Variants in NALF1 observed in about 807,000 individuals in gnomAD.
NALF1 encodes the protein NALCN channel auxiliary factor 1.
Under a neutral mutation model 48.4 loss-of-function variants are expected in NALF1, and 3 were observed. The ratio of observed to expected loss-of-function variants is 0.06; its 90% CI spans 0.03 to 0.16. The LOEUF is 0.16. NALF1 is among the 10% of genes least tolerant of loss of function. The probability of loss-of-function intolerance (pLI) is 1.00; values close to 1 mark genes in which losing one functional copy is unlikely to be tolerated. For synonymous variants in NALF1, 262 were observed against 245.7 expected (o/e 1.07, Z -0.62); for missense variants, 526 against 571.5 (o/e 0.92, Z 0.81).
At chr13:107,832,631 C>T (rs1164639802) in intron 1 of NALF1, among the ~76,000 whole-genome samples, 1 of 152,140 alleles carries the variant, frequency 6.6e-6, no homozygotes, top group African/African-American at 2.4e-5. Flanking sequence ...GGTCAGGGTC[C>T]TTCGCAACTC....
chr13:107,327,201 C>A (rs1373195840), intron 1 of NALF1, among the ~76,000 whole-genome samples: 3 of 152,068 alleles, frequency 2.0e-5, no homozygotes, highest in Non-Finnish European at 4.4e-5. Flanking sequence ...CTTTTACCTG[C>A]CTCTAAATAC....
At chr13:107,518,403 T>C (rs1876130366) in intron 1 of NALF1, among the ~76,000 whole-genome samples, 1 of 152,098 alleles carries the variant, frequency 6.6e-6, no homozygotes, top group Non-Finnish European at 1.5e-5. Context: ...TGAGAGGAGT[T>C]TTTTTGAAAT....
At chr13:107,495,200 T>A (rs75165744) in intron 1 of NALF1, among the ~76,000 whole-genome samples, 6 of 152,316 alleles carry the variant, frequency 3.9e-5, no homozygotes, top group African/African-American at 1.4e-4. Flanking sequence ...GCCTATATAG[T>A]GTAGAGCTGA....
At chr13:107,380,653 A>C (rs558432486) in intron 1 of NALF1, among the ~76,000 whole-genome samples, 1 of 152,150 alleles carries the variant, frequency 6.6e-6, no homozygotes, top group Non-Finnish European at 1.5e-5. Context: ...AAGATAAAAG[A>C]TTTTGTTAAA....
chr13:107,602,676 C>G (rs1028248396), intron 1 of NALF1, among the ~76,000 whole-genome samples: 24 of 152,132 alleles, frequency 1.6e-4, no homozygotes, highest in African/African-American at 5.3e-4. Flanking sequence ...AAATTTAACA[C>G]TTAGTTTGAT....
intron 1 of NALF1, among the ~76,000 whole-genome samples, chr13:107,520,501 A>G (rs967537451): frequency 6.6e-6 from 1 of 152,224 alleles, no homozygotes; most frequent in Non-Finnish European, 1.5e-5. Context: ...CATAAATTGG[A>G]AAGCAGGGAA....
intron 1 of NALF1, among the ~76,000 whole-genome samples, chr13:107,819,726 G>GTC (rs141973692): frequency 0.18 from 22,200 of 121,430 alleles, 1,745 homozygotes; most frequent in Middle Eastern, 0.26. Flanking sequence ...TCTGGAAACT[G>GTC]TCTCTCTCTC....
intron 2 of NALF1, among the ~76,000 whole-genome samples, chr13:107,184,211 T>C (rs1879127120): frequency 6.6e-6 from 1 of 152,010 alleles, no homozygotes; most frequent in South Asian, 2.1e-4. Context: ...CTGACATCCG[T>C]GTTTTTCTTC....
chr13:107,511,349 G>T lies in NALF1; in HGVS notation c.916-300594C>A, dbSNP rs116712984. Among the ~76,000 whole-genome samples, 298 of 152,258 alleles carry T rather than the reference G, an allele frequency of 2.0e-3. 2 individuals are homozygous for T. Among genetic ancestry groups the T allele is most frequent in the African/African-American group, 6.9e-3 (286 of 41,570 alleles). On this transcript the variant is annotated intron_variant, in intron 1 of 2. Transcript: ENST00000375915. ...GGGGTCACTAGAAACTCAAATATTA[G>T]ATTTATAGGCATTCAGAGGAGAGAG... is the stretch of plus-strand genomic sequence containing the variant.
At chr13:107,483,569 G>C (rs1885285274) in intron 1 of NALF1, among the ~76,000 whole-genome samples, 1 of 152,020 alleles carries the variant, frequency 6.6e-6, no homozygotes, top group Admixed American at 6.6e-5. Flanking sequence ...TTGAGGAAGA[G>C]ATCACTAGAC....
chr13:107,347,017 T>A (rs930536911), intron 1 of NALF1, among the ~76,000 whole-genome samples: 1 of 152,218 alleles, frequency 6.6e-6, no homozygotes, highest in Non-Finnish European at 1.5e-5. Flanking sequence ...ATTTTCTTAT[T>A]TCTTTTTTAA....
At chr13:107,541,436 T>C (rs1876996419) in intron 1 of NALF1, among the ~76,000 whole-genome samples, 1 of 152,034 alleles carries the variant, frequency 6.6e-6, no homozygotes, top group South Asian at 2.1e-4. Context: ...AATTCATAAC[T>C]CAGAATTCTT....
chr13:107,230,118 T>C lies in NALF1; in HGVS notation c.916-19363A>G, dbSNP rs143537184. ...ATGCAGATTCGGCCTCCTCTCTTTA[T>C]GGATAGAAACACTTTTGAATGAAAA... On this transcript the variant is annotated intron_variant, in intron 1 of 2. Coordinates refer to ENST00000375915, the MANE Select transcript of NALF1 (RefSeq NM_001080396.3). 3.8e-3 allele frequency among the ~76,000 whole-genome samples: 573 copies of C among 152,306 alleles called. 6 individuals carry two copies. The highest frequency in any genetic ancestry group is 0.013 in the African/African-American group (535 of 41,578).
intron 1 of NALF1, among the ~76,000 whole-genome samples, chr13:107,273,490 T>C (rs1239669702): frequency 2.6e-5 from 4 of 152,202 alleles, no homozygotes; most frequent in Non-Finnish European, 5.9e-5. Flanking sequence ...GTTACAGACA[T>C]TTTATTAATA....
At chr13:107,431,909 T>C (rs1884388229) in intron 1 of NALF1, among the ~76,000 whole-genome samples, 2 of 152,212 alleles carry the variant, frequency 1.3e-5, no homozygotes, top group Non-Finnish European at 2.9e-5. Context: ...AAAATTAGTT[T>C]TGATGTCCTG....
At chr13:107,279,531 C>T (rs1260697051) in intron 1 of NALF1, among the ~76,000 whole-genome samples, 1 of 152,106 alleles carries the variant, frequency 6.6e-6, no homozygotes, top group Non-Finnish European at 1.5e-5. Flanking sequence ...GCTGGGATTA[C>T]AGGCCTGAGC....
chr13:107,355,300 G>A (rs1882943336), intron 1 of NALF1, among the ~76,000 whole-genome samples: 1 of 152,170 alleles, frequency 6.6e-6, no homozygotes, highest in South Asian at 2.1e-4. Context: ...AAGAAGGGAG[G>A]AGGGCAATGA....
At chr13:107,837,279 C>A (rs187891741) in intron 1 of NALF1, among the ~76,000 whole-genome samples, 1 of 152,214 alleles carries the variant, frequency 6.6e-6, no homozygotes, top group African/African-American at 2.4e-5. Context: ...TAAAAACATT[C>A]AATTTCATTT....
At chr13:107,440,398 G>A (rs191519330) in intron 1 of NALF1, among the ~76,000 whole-genome samples, 23 of 152,266 alleles carry the variant, frequency 1.5e-4, no homozygotes, top group South Asian at 4.1e-4. Context: ...TAGGTGGCGC[G>A]ACGAAGCCAG....
Sources: gnomAD v4.1 joint callset for allele counts (sites outside exome capture counted in the v4.1 genomes callset) on GRCh38, gnomAD v4.1.1 for gene constraint, MANE v1.5 for transcripts, NCBI Gene and HGNC (gene_info 2026-07-23, HGNC 2026-07-21) for gene names.